The following KLRG1 variants were observed in gnomAD, a reference collection of about 807,000 sequenced individuals.
The protein encoded by KLRG1 is killer cell lectin like receptor G1.
A neutral mutation model predicts 21.8 loss-of-function variants in KLRG1; 16 were observed. That is an observed-to-expected ratio of 0.73 (90% CI 0.50 to 1.11). KLRG1 has a LOEUF of 1.11. KLRG1 is among the 50% of genes most tolerant of loss of function. The pLI is 0.00. For synonymous variants in KLRG1, 69 were observed against 75.9 expected, an observed-to-expected ratio of 0.91 and a Z score of 0.47; for missense variants, 173 against 218.3, an observed-to-expected ratio of 0.79 and a Z score of 1.31.
chr12:8,978,411 A>G (rs963696912), intron 1 of KLRG1, among the ~76,000 whole-genome samples: 1 of 152,202 alleles, frequency 6.6e-6, no homozygotes, highest in Non-Finnish European at 1.5e-5. Flanking sequence ...GTGGGATTCA[A>G]ATAATCCTAC....
chr12:9,072,409 A>C, the KLRG1 span: 29 of 1,613,772 alleles, frequency 1.8e-5, no homozygotes, highest in South Asian at 3.1e-4. Context: ...GTTCATCACA[A>C]GTTTGAGGCA....
At chr12:9,045,368 C>T in the KLRG1 span, among the ~76,000 whole-genome samples, 2 of 152,062 alleles carry the variant, frequency 1.3e-5, no homozygotes, top group Non-Finnish European at 2.9e-5. Context: ...AATAAAGACA[C>T]AGAGAGAGTA....
At chr12:9,077,116 T>C in the KLRG1 span, among the ~76,000 whole-genome samples, 2 of 152,234 alleles carry the variant, frequency 1.3e-5, no homozygotes, top group Non-Finnish European at 2.9e-5. Context: ...AAGATACATC[T>C]TTAAGATTCT....
chr12:9,163,030 C>T, the KLRG1 span, among the ~76,000 whole-genome samples: 1 of 152,072 alleles, frequency 6.6e-6, no homozygotes, highest in Non-Finnish European at 1.5e-5. Context: ...AACATAACAT[C>T]CTACTTGTTA....
rs770213631 is a variant in KLRG1 at position 9,001,755 on chromosome 12, T to C, written c.357+6467T>C. Among the ~76,000 whole-genome samples, 296 of 152,242 alleles carry C rather than the reference T, an allele frequency of 1.9e-3. 1 individual carries two copies. The highest frequency in any genetic ancestry group is 6.6e-3 in the African/African-American group (274 of 41,532). On this transcript the variant is annotated intron_variant, in intron 3 of 4. Transcript: ENST00000356986. The stretch of plus-strand genomic sequence containing the variant: ...AACCCCATCTCATGATGATTTGGGG[T>C]CCTCCCTTGTGGGAATTCCCCTGTC...
the KLRG1 span, chr12:9,107,581 G>A: frequency 1.2e-3 from 1,880 of 1,613,968 alleles, no homozygotes; most frequent in Non-Finnish European, 1.5e-3. Flanking sequence ...AGTCGGAAGC[G>A]TCACTATACT....
the KLRG1 span, among the ~76,000 whole-genome samples, chr12:9,044,103 T>A: frequency 1.3e-5 from 2 of 152,202 alleles, no homozygotes; most frequent in South Asian, 4.1e-4. Flanking sequence ...CAAATTAGAT[T>A]TTGGGGTGGT....
chr12:9,120,863 G>A, the KLRG1 span, among the ~76,000 whole-genome samples: 4 of 150,592 alleles, frequency 2.7e-5, no homozygotes, highest in African/African-American at 4.9e-5. Context: ...GTGTGTGTGT[G>A]TGTGTGTGTG....
At chr12:9,207,821 C>T in the KLRG1 span, among the ~76,000 whole-genome samples, 1 of 152,110 alleles carries the variant, frequency 6.6e-6, no homozygotes, top group African/African-American at 2.4e-5. Flanking sequence ...ATTATTTTCC[C>T]TGCTTTGGTC....
the KLRG1 span, among the ~76,000 whole-genome samples, chr12:9,021,750 C>T: frequency 1.3e-5 from 2 of 152,028 alleles, no homozygotes; most frequent in Non-Finnish European, 2.9e-5. Flanking sequence ...CCTCGGGCTA[C>T]ACAGGGTCAG....
chr12:9,128,948 G>C, the KLRG1 span, among the ~76,000 whole-genome samples: 8 of 148,292 alleles, frequency 5.4e-5, no homozygotes, highest in South Asian at 1.7e-3. Flanking sequence ...GATAAAACCA[G>C]ACCACCAGAG....
At chr12:9,039,194 T>A in the KLRG1 span, among the ~76,000 whole-genome samples, 2 of 152,244 alleles carry the variant, frequency 1.3e-5, no homozygotes, top group Non-Finnish European at 2.9e-5. Context: ...AAAGCTTATC[T>A]CTTCGCCTCC....
chr12:9,020,433 G>A, the KLRG1 span, among the ~76,000 whole-genome samples: 3 of 151,862 alleles, frequency 2.0e-5, no homozygotes, highest in East Asian at 1.9e-4. Flanking sequence ...CATTACCCCC[G>A]GAATTCCCAA....
At chr12:9,089,400 A>G in the KLRG1 span, 16 of 653,448 alleles carry the variant, frequency 2.4e-5, no homozygotes, top group Admixed American at 2.4e-4. Flanking sequence ...CAATATACGT[A>G]GGAGGTAGTT....
chr12:9,208,213 G>T, the KLRG1 span: 6 of 1,461,966 alleles, frequency 4.1e-6, no homozygotes, highest in African/African-American at 7.0e-5. Context: ...ACACAAGGGA[G>T]AGACTGAAAC....
At chr12:8,968,521 A>G (rs1946516604) in intron 1 of KLRG1, among the ~76,000 whole-genome samples, 2 of 152,218 alleles carry the variant, frequency 1.3e-5, no homozygotes, top group Admixed American at 6.5e-5. Flanking sequence ...GTCCATAATT[A>G]TAGTTGGAGG....
At chr12:9,146,364 T>C in the KLRG1 span, among the ~76,000 whole-genome samples, 1 of 152,090 alleles carries the variant, frequency 6.6e-6, no homozygotes, top group African/African-American at 2.4e-5. Flanking sequence ...TGATTTCTGC[T>C]TGGTACCTTT....
chr12:8,983,358 G>T (rs1220580998), intron 1 of KLRG1, among the ~76,000 whole-genome samples: 1 of 144,556 alleles, frequency 6.9e-6, no homozygotes, highest in Non-Finnish European at 1.5e-5. Context: ...ACTTTTTCTG[G>T]ATATAGAATT....
At chr12:9,029,547 A>G in the KLRG1 span, among the ~76,000 whole-genome samples, 2 of 152,042 alleles carry the variant, frequency 1.3e-5, no homozygotes, top group African/African-American at 4.8e-5. Context: ...TGCACACTAG[A>G]CCTCTTGAAC....
Sources: gnomAD v4.1 joint callset for allele counts (sites outside exome capture counted in the v4.1 genomes callset) on GRCh38, gnomAD v4.1.1 for gene constraint, MANE v1.5 for transcripts, NCBI Gene and HGNC (gene_info 2026-07-23, HGNC 2026-07-21) for gene names.